UBTF: variants seen among roughly 807,000 people sequenced by gnomAD.
The protein encoded by UBTF is nucleolar transcription factor 1.
Under a neutral mutation model 112.3 loss-of-function variants are expected in UBTF, and 8 were observed. The ratio of observed to expected loss-of-function variants is 0.07; its 90% CI spans 0.04 to 0.13. UBTF has a LOEUF of 0.13. Ranked by LOEUF, UBTF falls within the 10% of genes least tolerant of loss-of-function variation. UBTF has a pLI of 1.00. For synonymous variants in UBTF, 417 were observed against 373.1 expected (o/e 1.12, Z -1.36); for missense variants, 457 against 982.1 (o/e 0.47, Z 7.15).
At position 44,205,855 on chromosome 17, in the gene UBTF, G is replaced by C. The variant is rs2056213912; in HGVS notation, c.*1387C>G. ...GGCTTATTAAGAGTCAAGGAATCAA[G>C]GTACCAAAAAATACGGGAGATGGCT... On this transcript the variant is annotated 3_prime_UTR_variant, in exon 21 of 21. Transcript: ENST00000436088. 5 of 152,320 alleles carry C rather than the reference G, an allele frequency of 3.3e-5. No homozygotes were observed. In the South Asian group the frequency reaches 1.0e-3, roughly 32 times the overall value. The allele number at this position is 152,320 out of a possible 1,614,324, so 9.4% of individuals were successfully genotyped here. A position where few individuals can be genotyped will look rare whatever the true frequency, so the allele number is the denominator to read the frequency against.
Position 44,207,194 on chromosome 17 carries a change from AG to A in UBTF, c.*47del. 6.2e-7 allele frequency: 1 copy of A among 1,602,418 alleles called. No individual in the cohort carries two copies. The highest frequency in any genetic ancestry group is 8.5e-7 in the Non-Finnish European group (1 of 1,173,268). ...GAGAAACAAAGGTGGTCAGTTGGGGAGGGGAGCTCCTGGGCTCTCCCTGGCT... is the reference window on the plus strand; with the variant it reads ...GAGAAACAAAGGTGGTCAGTTGGGGAGGGAGCTCCTGGGCTCTCCCTGGCT... On this transcript the variant is annotated 3_prime_UTR_variant, in exon 21 of 21. Coordinates refer to ENST00000436088, the MANE Select transcript of UBTF (RefSeq NM_014233.4).
At chr17:44,213,337 C>T (rs2144543193) in intron 5 of UBTF, 55 bp from the exon 6 acceptor site, 1 of 1,569,024 alleles carries the variant, frequency 6.4e-7, no homozygotes, top group East Asian at 2.3e-5. Flanking sequence ...TCACCCTGAG[C>T]TATGAAGGCC....
chr17:44,218,754 G>A (rs1250937578), intron 1 of UBTF, among the ~76,000 whole-genome samples: 7 of 149,758 alleles, frequency 4.7e-5, no homozygotes, highest in Non-Finnish European at 7.4e-5. Context: ...CCCCCCGGCC[G>A]GTTCCCCCCG....
Position 44,210,328 on chromosome 17 carries a change from G to A in UBTF, c.1505C>T (p.Ala502Val). The A allele has an allele frequency of 1.2e-6, 2 of 1,614,244 alleles. No individual in the cohort carries two copies. Among genetic ancestry groups the A allele is most frequent in the African/African-American group, 1.3e-5 (1 of 75,060 alleles). ...TCCCACCCCTGTCACCTTGAAGCGGGCCAGGTAGTCGCCGATAACGCTCTG... is the reference window on the plus strand; with the variant it reads ...TCCCACCCCTGTCACCTTGAAGCGGACCAGGTAGTCGCCGATAACGCTCTG... The part of the protein sequence containing the change: ...WQQSVIGDYL[A>V]RFKNDRVKAL... Residue 502 changes from alanine to valine, a missense_variant, in exon 14 of 21, where the codon GCC (alanine) becomes GTC (valine). Around this residue, in one of 7 missense-constraint regions of UBTF, gnomAD observed 77 missense variants for 211.9 expected, o/e 0.36. Transcript: ENST00000436088.
chr17:44,212,758 G>A (rs1274801874), intron 7 of UBTF, 61 bp downstream of exon 7: 33 of 1,598,520 alleles, frequency 2.1e-5, no homozygotes, highest in Non-Finnish European at 2.3e-5. Flanking sequence ...CCGACCTGGC[G>A]CGGCTCCCCC....
intron 8 of UBTF, 50 bp from the exon 9 acceptor site, chr17:44,212,056 A>G: frequency 7.9e-7 from 1 of 1,267,528 alleles, no homozygotes. Flanking sequence ...GGAGTTAGCT[A>G]GGGCAGGGGC....
At chr17:44,216,825 C>G in intron 2 of UBTF, 121 bp from the exon 3 acceptor site, 1 of 976,062 alleles carries the variant, frequency 1.0e-6, no homozygotes, top group Non-Finnish European at 1.6e-6. Context: ...TGCTTCCCAT[C>G]TGAAGGCACA....
At chr17:44,213,642 C>T (rs897613938) in intron 5 of UBTF, among the ~76,000 whole-genome samples, 5 of 152,196 alleles carry the variant, frequency 3.3e-5, no homozygotes, top group African/African-American at 9.7e-5. Context: ...CTCACAGTGG[C>T]GTCGGGTGCA....
In UBTF at chr17:44,211,702, C is replaced by T. The variant is rs1236979882; in HGVS notation, c.951G>A (p.Lys317=). The change falls in exon 10 of 21, where the codon AAG becomes AAA. Residue 317 remains lysine (K), a synonymous_variant. Coordinates refer to ENST00000436088, the MANE Select transcript of UBTF (RefSeq NM_014233.4). This position sits in a 1 kb window ranked among gnomAD's most constrained non-coding sequence, Gnocchi z 4.9. The part of the protein sequence containing the change: ...LYCAELMANM[K]DVPSTERMVL... ...CCATGCGCTCTGTGCTGGGCACGTC[C>T]TTCATGTTGGCCATGAGCTCTGCGC... The T allele has an allele frequency of 6.8e-6, 11 of 1,609,478 alleles. 1 individual carries two copies. Among genetic ancestry groups the T allele is most frequent in the South Asian group, 3.3e-5 (3 of 91,088 alleles).
chr17:44,213,005 C>T (rs917441538), intron 6 of UBTF, 66 bp from the exon 7 acceptor site: 3 of 1,591,092 alleles, frequency 1.9e-6, no homozygotes, highest in Non-Finnish European at 2.6e-6. Context: ...AGCTAGCTGC[C>T]CCACCCACCA....
intron 5 of UBTF, among the ~76,000 whole-genome samples, chr17:44,214,900 T>C (rs1358048485): frequency 6.6e-6 from 1 of 152,192 alleles, no homozygotes; most frequent in Admixed American, 6.5e-5. Flanking sequence ...ATCTTCCTCG[T>C]GTCCCATCTG....
At chr17:44,215,184 C>T (rs1242132979) in intron 5 of UBTF, among the ~76,000 whole-genome samples, 2 of 152,248 alleles carry the variant, frequency 1.3e-5, no homozygotes, top group African/African-American at 4.8e-5. Context: ...CCTGCTCTAG[C>T]ATCAATAGTT....
intron 17 of UBTF, chr17:44,209,043 T>C: frequency 3.0e-6 from 1 of 331,572 alleles, no homozygotes; most frequent in Non-Finnish European, 5.7e-6. Flanking sequence ...GTGGTACATG[T>C]CTGTAGCCCC....
At position 44,207,576 on chromosome 17, in the gene UBTF, C is replaced by G. The variant is rs777240964; in HGVS notation, c.2047G>C (p.Glu683Gln). The change falls in exon 20 of 21, where the codon GAG becomes CAG. Residue 683 changes from glutamate (E) to glutamine (Q), a missense_variant. Around this residue, in one of 7 missense-constraint regions of UBTF, gnomAD observed 139 missense variants for 157.5 expected, o/e 0.88. Transcript: ENST00000436088. ...TCCTCGTCCTCGTCATCCTCATCCTCTTCATCATCCTCCTCGGACTCCTTG... is the reference window on the plus strand; with the variant it reads ...TCCTCGTCCTCGTCATCCTCATCCTGTTCATCATCCTCCTCGGACTCCTTG... ...SKSESEEDDE[E>Q]DEDDEDEDEE... is the part of the protein sequence containing the mutation. 1.2e-6 allele frequency: 2 copies of G among 1,614,124 alleles called. No individual in the cohort carries two copies. The highest frequency in any genetic ancestry group is 2.2e-5 in the South Asian group (2 of 91,082).
chr17:44,215,857 T>C (rs201264149), intron 4 of UBTF, 48 bp from the exon 5 acceptor site: 1 of 1,614,016 alleles, frequency 6.2e-7, no homozygotes, highest in Non-Finnish European at 8.5e-7. Context: ...CATCCCTTCT[T>C]TGGACCTTTC....
upstream of UBTF, chr17:44,221,190 C>T (rs1198806981): frequency 6.6e-6 from 1 of 152,080 alleles, no homozygotes. Context: ...CTGCCCCCAG[C>T]TCGCACTCAC....
At position 44,218,182 on chromosome 17, in the gene UBTF, G is replaced by A. The variant is rs2046943692; in HGVS notation, c.48C>T (p.Pro16=). The change falls in exon 2 of 21, where the codon CCC becomes CCT. Residue 16 remains proline, a synonymous_variant. Coordinates refer to ENST00000436088, the MANE Select transcript of UBTF (RefSeq NM_014233.4). ...GGTGGATGCCCCTACCTTGGCCTTT[G>A]GGGGCGGCCATTTCCAGGTCTGTGG... ...DCPTDLEMAA[P]KGQDRWSQED... The A allele has an allele frequency of 6.2e-7, 1 of 1,612,680 alleles. No individual in the cohort carries two copies. The highest frequency in any genetic ancestry group is 1.7e-5 in the Admixed American group (1 of 59,672).
chr17:44,211,293 G>A lies in UBTF; in HGVS notation c.1086C>T (p.Leu362=), dbSNP rs2228196. 15,214 of 1,614,156 alleles carry A rather than the reference G, an allele frequency of 9.4e-3. 1,149 individuals carry two copies. In the African/African-American group the frequency reaches 0.17, roughly 18 times the overall value. ...GCCCCACCGGAGGAACACTCACCTC[G>A]AGGAAACGGAGCAGCTCCACCTCGT... ...KDYEVELLRF[L]ESLPEEEQQR... is the part of the protein sequence containing the mutation. The change falls in exon 11 of 21, where the codon CTC becomes CTT. Residue 362 remains leucine, a synonymous_variant. Transcript: ENST00000436088. This position sits in a 1 kb window ranked among gnomAD's most constrained non-coding sequence, Gnocchi z 4.9.
chr17:44,215,471 GCC>G, intron 5 of UBTF, 181 bp downstream of exon 5: 1 of 691,184 alleles, frequency 1.4e-6, no homozygotes, highest in South Asian at 1.9e-5. Context: ...TGGTGCCTGT[GCC>G]TGACCATGTG....
Sources: allele counts gnomAD v4.1 joint callset (sites outside exome capture counted in the v4.1 genomes callset), GRCh38; gene constraint gnomAD v4.1.1; regional missense constraint gnomAD v4.1.1; non-coding constraint Gnocchi (gnomAD v3.1); transcripts MANE v1.5; gene names NCBI Gene and HGNC (gene_info 2026-07-23, HGNC 2026-07-21).